COX6C: variants seen among roughly 807,000 people sequenced by gnomAD.
COX6C encodes cytochrome c oxidase polypeptide VIc.
Under a neutral mutation model 6.9 loss-of-function variants are expected in COX6C, and 3 were observed. The ratio of observed to expected loss-of-function variants is 0.43; its 90% CI spans 0.20 to 1.12. COX6C has a LOEUF of 1.12. Ranked by LOEUF, COX6C falls within the 50% of genes most tolerant of loss-of-function variation. COX6C has a pLI of 0.27. For missense variants in COX6C, 101 were observed against 97.3 expected, an observed-to-expected ratio of 1.04 and a Z score of -0.16; for synonymous variants, 32 against 32.0, an observed-to-expected ratio of 1.00 and a Z score of 0.00.
At chr8:99,884,757 A>G (rs1457598195) in intron 3 of COX6C, among the ~76,000 whole-genome samples, 3 of 152,216 alleles carry the variant, frequency 2.0e-5, no homozygotes, top group Non-Finnish European at 4.4e-5. Context: ...ACATACCTAT[A>G]ATAAAGCTTA....
At chr8:99,891,462 A>G (rs1012017090) in intron 2 of COX6C, among the ~76,000 whole-genome samples, 2 of 152,092 alleles carry the variant, frequency 1.3e-5, no homozygotes, top group Non-Finnish European at 2.9e-5. Flanking sequence ...GAGACAGAGT[A>G]AGACCCTGTT....
intron 3 of COX6C, chr8:99,885,951 A>G (rs530470066): frequency 1.3e-5 from 2 of 152,338 alleles, no homozygotes; most frequent in South Asian, 4.1e-4. Flanking sequence ...AATGAGCAGA[A>G]CTGAATAAAC....
Position 99,891,926 on chromosome 8 carries a change from C to A in COX6C, c.96G>T (p.Gly32=), listed in dbSNP as rs1818058727. 2 of 1,613,974 alleles carry A rather than the reference C, an allele frequency of 1.2e-6. No homozygotes were observed. Among genetic ancestry groups the A allele is most frequent in the African/African-American group, 1.3e-5 (1 of 74,940 alleles). ...HMAVAFVLSL[G]VAALYKFRVA... is the part of the protein sequence containing the mutation. ...TACATACCTTATACAAAGCTGCAAC[C>A]CCCAGGGATAGCACGAATGCTACAG... The change falls in exon 2 of 4, where the codon GGG becomes GGT. Residue 32 remains glycine (G), a synonymous_variant. Coordinates refer to ENST00000520468, the MANE Select transcript of COX6C (RefSeq NM_004374.4).
chr8:99,877,895 C>A lies in COX6C; in HGVS notation c.*386G>T, dbSNP rs1428074937. 6.6e-6 allele frequency: 1 copy of A among 152,150 alleles called. No individual in the cohort carries two copies. The allele number at this position is 152,150 out of a possible 1,614,324, so 9.4% of individuals were successfully genotyped here. On this transcript the variant is annotated 3_prime_UTR_variant, in exon 4 of 4. Coordinates refer to ENST00000520468, the MANE Select transcript of COX6C (RefSeq NM_004374.4). ...GCCAAGGATAGATTTTATTAGGATTCTATCTCTTCTTAGAGCCCACAGTAC... is the reference window on the plus strand; with the variant it reads ...GCCAAGGATAGATTTTATTAGGATTATATCTCTTCTTAGAGCCCACAGTAC...
chr8:99,889,689 C>T (rs1024781437), intron 2 of COX6C, among the ~76,000 whole-genome samples: 18 of 151,842 alleles, frequency 1.2e-4, no homozygotes, highest in African/African-American at 3.9e-4. Context: ...TACCTGGCCT[C>T]GCCTCCCAAT....
At chr8:99,885,854 A>T (rs1817936425) in intron 3 of COX6C, 1 of 152,232 alleles carries the variant, frequency 6.6e-6, no homozygotes, top group South Asian at 2.1e-4. Context: ...AATGGGAGAA[A>T]ATATTTACAA....
At chr8:99,892,915 T>C (rs1310176595) in intron 1 of COX6C, 4 of 152,222 alleles carry the variant, frequency 2.6e-5, no homozygotes, top group Non-Finnish European at 2.9e-5. Flanking sequence ...AGGCAGGTGT[T>C]TTCCACGGTC....
chr8:99,886,083 C>T (rs1817939177), intron 3 of COX6C: 1 of 152,146 alleles, frequency 6.6e-6, no homozygotes, highest in South Asian at 2.1e-4. Context: ...ATTAGGATGG[C>T]TACTATCAAA....
intron 2 of COX6C, among the ~76,000 whole-genome samples, chr8:99,889,499 C>T (rs1262604894): frequency 3.3e-5 from 5 of 151,916 alleles, no homozygotes; most frequent in African/African-American, 1.2e-4. Flanking sequence ...AATTCTCCTG[C>T]CTCAGCCTGC....
At chr8:99,891,017 A>G (rs776201480) in intron 2 of COX6C, among the ~76,000 whole-genome samples, 2 of 152,278 alleles carry the variant, frequency 1.3e-5, no homozygotes, top group Non-Finnish European at 2.9e-5. Flanking sequence ...GATTTAAAAT[A>G]TCGTCAGGGC....
rs571341979 is a variant in COX6C, at chr8:99,884,239, A to C, written c.*15+3251T>G. Among the ~76,000 whole-genome samples, 106 of 152,302 alleles carry C rather than the reference A, an allele frequency of 7.0e-4. 1 individual carries two copies. Among genetic ancestry groups the C allele is most frequent in the South Asian group, 1.2e-3 (6 of 4,820 alleles). ...ATAATCTTACCTCCAGCAAACCCTA[A>C]AGATTTCTAACACACAAGTGTCAGA... On this transcript the variant is annotated intron_variant, in intron 3 of 3. Transcript: ENST00000520468.
At chr8:99,887,284 C>T (rs188477378) in intron 3 of COX6C, 1 of 379,152 alleles carries the variant, frequency 2.6e-6, no homozygotes, top group East Asian at 4.8e-5. Flanking sequence ...GGTGCTCCCC[C>T]ACATCACAAA....
At chr8:99,886,890 A>G (rs1206589699) in intron 3 of COX6C, among the ~76,000 whole-genome samples, 1 of 152,208 alleles carries the variant, frequency 6.6e-6, no homozygotes, top group Non-Finnish European at 1.5e-5. Context: ...CAATTCTGTA[A>G]GATGACGAGT....
intron 3 of COX6C, among the ~76,000 whole-genome samples, chr8:99,884,037 T>A (rs1346089937): frequency 6.6e-6 from 1 of 152,206 alleles, no homozygotes; most frequent in Non-Finnish European, 1.5e-5. Context: ...TCTAGTATAC[T>A]GAACATGGAA....
intron 2 of COX6C, among the ~76,000 whole-genome samples, chr8:99,889,765 G>A (rs959607160): frequency 1.3e-5 from 2 of 151,962 alleles, no homozygotes; most frequent in African/African-American, 4.8e-5. Flanking sequence ...GAGTAGCTAG[G>A]GCCACAGGCA....
At chr8:99,890,026 G>A (rs571942048) in intron 2 of COX6C, among the ~76,000 whole-genome samples, 13 of 151,892 alleles carry the variant, frequency 8.6e-5, no homozygotes, top group East Asian at 5.9e-4. Flanking sequence ...CCCGGGAGGC[G>A]GAGCTTGCAC....
At chr8:99,892,372 A>G (rs147444128) in intron 1 of COX6C, among the ~76,000 whole-genome samples, 81 of 152,280 alleles carry the variant, frequency 5.3e-4, no homozygotes, top group African/African-American at 1.9e-3. Flanking sequence ...AACATAAGCT[A>G]TTGACTGACT....
chr8:99,892,446 G>A (rs1010478292), intron 1 of COX6C, among the ~76,000 whole-genome samples: 4 of 152,094 alleles, frequency 2.6e-5, no homozygotes, highest in African/African-American at 7.2e-5. Flanking sequence ...GGTGAGGGGC[G>A]GCACTGAAGT....
intron 3 of COX6C, chr8:99,878,473 AGCCTCTT>A (rs1403269217): frequency 6.6e-6 from 1 of 152,148 alleles, no homozygotes; most frequent in East Asian, 1.9e-4. Flanking sequence ...CACTCTGAAT[AGCCTCTT>A]TTCCATTTTG....
Sources: gnomAD v4.1 joint callset for allele counts (sites outside exome capture counted in the v4.1 genomes callset) on GRCh38, gnomAD v4.1.1 for gene constraint, MANE v1.5 for transcripts, NCBI Gene and HGNC (gene_info 2026-07-23, HGNC 2026-07-21) for gene names.